The following MAGI2 variants were observed in gnomAD, a reference collection of about 807,000 sequenced individuals.
MAGI2 encodes the protein membrane-associated guanylate kinase, WW and PDZ domain-containing protein 2.
Under a neutral mutation model 133.3 loss-of-function variants are expected in MAGI2, and 35 were observed. That is an observed-to-expected ratio of 0.26 (90% CI 0.20 to 0.35). The LOEUF is 0.35. MAGI2 is among the 10% of genes least tolerant of loss of function. The pLI is 1.00. For synonymous variants in MAGI2, 729 were observed against 710.6 expected (o/e 1.03, Z -0.41); for missense variants, 1,636 against 1,863.4 (o/e 0.88, Z 2.25).
chr7:78,427,918 G>T (rs1229785035), intron 6 of MAGI2, among the ~76,000 whole-genome samples: 1 of 152,082 alleles, frequency 6.6e-6, no homozygotes, highest in African/African-American at 2.4e-5. Context: ...TAGGCCAAAA[G>T]ACAACCATGT....
At chr7:78,737,183 C>T (rs1410141609) in intron 2 of MAGI2, among the ~76,000 whole-genome samples, 3 of 152,136 alleles carry the variant, frequency 2.0e-5, no homozygotes, top group African/African-American at 7.2e-5. Flanking sequence ...TCTGCCACTG[C>T]CCATTTGATA....
chr7:78,763,864 A>AT (rs1386049255), intron 2 of MAGI2, among the ~76,000 whole-genome samples: 1 of 152,202 alleles, frequency 6.6e-6, no homozygotes, highest in Non-Finnish European at 1.5e-5. Context: ...TACAAAATCA[A>AT]TTAATTTCAA....
intron 2 of MAGI2, among the ~76,000 whole-genome samples, chr7:78,852,209 A>C (rs148334166): frequency 0.026 from 3,923 of 152,050 alleles, 73 homozygotes; most frequent in Middle Eastern, 0.044. Context: ...GCTTTTCTTC[A>C]ATGAAATCTA....
chr7:79,206,610 C>T (rs145915878), intron 1 of MAGI2, among the ~76,000 whole-genome samples: 14 of 151,992 alleles, frequency 9.2e-5, no homozygotes, highest in Middle Eastern at 3.4e-3. Context: ...CCAGGACCTA[C>T]AACCTTCACC....
intron 2 of MAGI2, among the ~76,000 whole-genome samples, chr7:78,863,751 G>C (rs1794339502): frequency 2.0e-5 from 3 of 152,222 alleles, no homozygotes; most frequent in Non-Finnish European, 4.4e-5. Flanking sequence ...AAAGGCCAGA[G>C]AGTCCTTTTG....
At chr7:78,522,412 T>C (rs963939702) in intron 3 of MAGI2, among the ~76,000 whole-genome samples, 1 of 152,230 alleles carries the variant, frequency 6.6e-6, no homozygotes, top group Non-Finnish European at 1.5e-5. Context: ...AGAGTCTTGC[T>C]CTGTTGCCCA....
chr7:78,663,544 G>A (rs1813213720), intron 2 of MAGI2, among the ~76,000 whole-genome samples: 1 of 152,042 alleles, frequency 6.6e-6, no homozygotes, highest in African/African-American at 2.4e-5. Context: ...AACTTTTGCT[G>A]AATAGTTGGA....
At chr7:78,620,331 A>G (rs1200310122) in intron 3 of MAGI2, among the ~76,000 whole-genome samples, 4 of 152,062 alleles carry the variant, frequency 2.6e-5, no homozygotes, top group Non-Finnish European at 5.9e-5. Flanking sequence ...AATTTCATCA[A>G]TACATCAAAC....
At chr7:78,811,241 A>G (rs1175314472) in intron 2 of MAGI2, among the ~76,000 whole-genome samples, 3 of 152,082 alleles carry the variant, frequency 2.0e-5, no homozygotes, top group Non-Finnish European at 4.4e-5. Flanking sequence ...TTATTCTGCT[A>G]TACAAATAAA....
At chr7:78,677,957 T>C (rs1815232937) in intron 2 of MAGI2, among the ~76,000 whole-genome samples, 1 of 152,066 alleles carries the variant, frequency 6.6e-6, no homozygotes, top group African/African-American at 2.4e-5. Flanking sequence ...ATCTAAGTCC[T>C]AGTCACGGGC....
chr7:79,158,927 ATATCTT>A (rs1252600218), intron 1 of MAGI2, among the ~76,000 whole-genome samples: 1 of 152,076 alleles, frequency 6.6e-6, no homozygotes, highest in East Asian at 1.9e-4. Context: ...TTCTTATTAA[ATATCTT>A]TGTCTAATTC....
intron 3 of MAGI2, among the ~76,000 whole-genome samples, chr7:78,527,401 A>C (rs1797071551): frequency 6.6e-6 from 1 of 152,122 alleles, no homozygotes; most frequent in Admixed American, 6.6e-5. Flanking sequence ...TAAAGTGATG[A>C]TTTTACCTTT....
chr7:78,904,009 T>C (rs1310804826), intron 2 of MAGI2: 1 of 152,220 alleles, frequency 6.6e-6, no homozygotes, highest in Non-Finnish European at 1.5e-5. Context: ...TAACTACATC[T>C]CTAGGACTTA....
chr7:79,232,375 T>C (rs1222153378), intron 1 of MAGI2, among the ~76,000 whole-genome samples: 8 of 140,122 alleles, frequency 5.7e-5, no homozygotes, highest in African/African-American at 1.6e-4. Context: ...ATGGTACCAG[T>C]TCCTCCTTGT....
At chr7:79,115,429 C>A (rs1562905658) in intron 1 of MAGI2, among the ~76,000 whole-genome samples, 3 of 152,138 alleles carry the variant, frequency 2.0e-5, no homozygotes, top group Non-Finnish European at 4.4e-5. Context: ...ACAAGCCTAT[C>A]AATTAACTGT....
chr7:78,535,087 G>T (rs1365648368), intron 3 of MAGI2, among the ~76,000 whole-genome samples: 1 of 152,012 alleles, frequency 6.6e-6, no homozygotes, highest in Non-Finnish European at 1.5e-5. Context: ...AGCCGAGATC[G>T]CACCACTGCA....
At chr7:78,654,876 T>C (rs1812000839) in intron 2 of MAGI2, among the ~76,000 whole-genome samples, 1 of 151,588 alleles carries the variant, frequency 6.6e-6, no homozygotes, top group South Asian at 2.1e-4. Flanking sequence ...TTCACATAAA[T>C]ACCAAGTGTG....
chr7:78,256,600 T>C lies in MAGI2; in HGVS notation c.1409-19A>G, dbSNP rs759064218. On this transcript the variant is annotated intron_variant, in intron 9 of 21. Transcript: ENST00000354212. ...ACATCACCTGTAAGAAAAAAAGAGA[T>C]TGACAACATGAGGTAAGTTCAATTA... The C allele has an allele frequency of 2.5e-6, 4 of 1,599,628 alleles. No homozygotes were observed. Among genetic ancestry groups the C allele is most frequent in the Non-Finnish European group, 3.4e-6 (4 of 1,172,926 alleles).
intron 1 of MAGI2, among the ~76,000 whole-genome samples, chr7:79,028,691 A>G (rs926326970): frequency 6.6e-6 from 1 of 152,138 alleles, no homozygotes; most frequent in African/African-American, 2.4e-5. Flanking sequence ...GATGACTTAA[A>G]TGATTCTCTC....
Sources: gnomAD v4.1 joint callset for allele counts (sites outside exome capture counted in the v4.1 genomes callset) on GRCh38, gnomAD v4.1.1 for gene constraint, MANE v1.5 for transcripts, NCBI Gene and HGNC (gene_info 2026-07-23, HGNC 2026-07-21) for gene names.